The following USP34 variants were observed in gnomAD, a reference collection of about 807,000 sequenced individuals.
USP34 encodes the protein ubiquitin carboxyl-terminal hydrolase 34.
In USP34, 70 loss-of-function variants were observed where a neutral mutation model predicts 460.3. The ratio of observed to expected loss-of-function variants is 0.15; its 90% CI spans 0.13 to 0.19. USP34 has a LOEUF of 0.19. USP34 is among the 10% of genes least tolerant of loss of function. The pLI is 1.00. For missense variants in USP34, 3,985 were observed against 4,236.2 expected, an observed-to-expected ratio of 0.94 and a Z score of 1.65; for synonymous variants, 1,647 against 1,405.3, an observed-to-expected ratio of 1.17 and a Z score of -3.85.
intron 1 of USP34, among the ~76,000 whole-genome samples, chr2:61,430,995 C>T (rs1694660664): frequency 6.6e-6 from 1 of 151,168 alleles, no homozygotes; most frequent in Admixed American, 6.6e-5. Flanking sequence ...CAACAAGACC[C>T]CTATTCTTTA....
chr2:61,418,966 A>C (rs1694278925), intron 2 of USP34, among the ~76,000 whole-genome samples: 5 of 152,186 alleles, frequency 3.3e-5, no homozygotes, highest in Admixed American at 2.6e-4. Flanking sequence ...ACAAATTTTA[A>C]CAATTTTAAT....
At chr2:61,354,996 C>T (rs975722996) in intron 10 of USP34, among the ~76,000 whole-genome samples, 3 of 152,244 alleles carry the variant, frequency 2.0e-5, no homozygotes, top group South Asian at 4.1e-4. Context: ...TGCTGTATCC[C>T]CCATGAGGCA....
chr2:61,446,726 G>GC (rs1355622618), intron 1 of USP34, among the ~76,000 whole-genome samples: 1 of 151,020 alleles, frequency 6.6e-6, no homozygotes, highest in African/African-American at 2.4e-5. Flanking sequence ...AACCTGAGAG[G>GC]CAGAGGTTGC....
chr2:61,278,162 T>C lies in USP34; in HGVS notation c.5433+3A>G, dbSNP rs1689429726. The C allele has an allele frequency of 6.2e-7, 1 of 1,612,166 alleles. No individual in the cohort carries two copies. Among genetic ancestry groups the C allele is most frequent in the South Asian group, 1.1e-5 (1 of 90,736 alleles). Reference sequence around the variant, plus strand: ...AGAAACATTTGATTATCTTAACACTTACCTGTCCTTCCCTTGAAAATTTAA... The same window carrying C: ...AGAAACATTTGATTATCTTAACACTCACCTGTCCTTCCCTTGAAAATTTAA... On this transcript the variant is annotated splice_donor_region_variant and intron_variant, in intron 41 of 79. Coordinates refer to ENST00000398571, the MANE Select transcript of USP34 (RefSeq NM_014709.4).
In USP34 at chr2:61,192,959, C is replaced by A. The variant is rs1449884395; in HGVS notation, c.9530G>T (p.Gly3177Val). The A allele has an allele frequency of 6.2e-7, 1 of 1,613,688 alleles. No homozygotes were observed. Among genetic ancestry groups the A allele is most frequent in the Admixed American group, 1.7e-5 (1 of 59,984 alleles). The change falls in exon 76 of 80, where the codon GGT becomes GTT. Residue 3177 changes from glycine to valine, a missense_variant. Transcript: ENST00000398571. ...VKLSVLVAYE[G>V]LPLHLALFPK... ...GAACAGTGCAAGATGAAGTGGCAAA[C>A]CTTCATAGGCAACTAGGACACCTAA...
chr2:61,401,194 A>G (rs1048668245), intron 3 of USP34, among the ~76,000 whole-genome samples: 4 of 151,442 alleles, frequency 2.6e-5, no homozygotes, highest in South Asian at 2.1e-4. Flanking sequence ...CTTCATGTAT[A>G]TATTTCATCT....
Position 61,283,174 on chromosome 2 carries a change from G to A in USP34, c.4969C>T (p.Leu1657=). 3 of 1,613,232 alleles carry A rather than the reference G, an allele frequency of 1.9e-6. No homozygotes were observed. Among genetic ancestry groups the A allele is most frequent in the Non-Finnish European group, 2.5e-6 (3 of 1,179,586 alleles). ...LADSDHLQDW[L]KKLTLLIPET... is the part of the protein sequence containing the mutation. ...GGAATAAGGAGAGTCAATTTCTTTA[G>A]CCAATCTTGTAAATGATCGCTATCA... The change falls in exon 37 of 80, where the codon CTA becomes TTA. Residue 1657 remains leucine (L), a synonymous_variant. Transcript: ENST00000398571.
At chr2:61,275,427 G>T (rs1572892833) in intron 41 of USP34, among the ~76,000 whole-genome samples, 1 of 152,040 alleles carries the variant, frequency 6.6e-6, no homozygotes, top group African/African-American at 2.4e-5. Context: ...GAACAGCCTG[G>T]GCAACACAGC....
In USP34 at chr2:61,301,081, G is replaced by T. The variant is rs1690203666; in HGVS notation, c.3998C>A (p.Pro1333His). The T allele has an allele frequency of 1.2e-6, 2 of 1,613,938 alleles. No homozygotes were observed. The highest frequency in any genetic ancestry group is 8.5e-7 in the Non-Finnish European group (1 of 1,180,026). ...CATTGGAATGTTGTCCTTCTGAGGG[G>T]GTGGGAGGCAAGATGCTGGCAGCTG... ...GVQLPASCLPPPQKDNIPMLL... is the reference protein window; with the variant it reads ...GVQLPASCLPHPQKDNIPMLL... The change falls in exon 29 of 80, where the codon CCC becomes CAC. Residue 1333 changes from proline to histidine, a missense_variant. Pro to His is a moderately conservative substitution (Grantham distance 77). Around this residue, in one of 14 missense-constraint regions of USP34, gnomAD observed 1,114 missense variants for 1,122.5 expected, o/e 0.99. Coordinates refer to ENST00000398571, the MANE Select transcript of USP34 (RefSeq NM_014709.4).
chr2:61,257,123 A>C lies in USP34; in HGVS notation c.5992-15T>G, dbSNP rs149614448. On this transcript the variant is annotated splice_polypyrimidine_tract_variant and intron_variant, in intron 45 of 79. Transcript: ENST00000398571. ...ACGGTATTTTTCTTTAATATAAAAC[A>C]AACAAAAAATAAGAAACTAGTTAAA... The C allele has an allele frequency of 0.011, 17,263 of 1,572,386 alleles. 135 individuals carry two copies. Among genetic ancestry groups the C allele is most frequent in the Non-Finnish European group, 0.013 (15,413 of 1,165,266 alleles).
In USP34 at chr2:61,380,326, T is replaced by C. The variant is rs1485025301; in HGVS notation, c.857A>G (p.Gln286Arg). The C allele has an allele frequency of 6.8e-6, 11 of 1,613,730 alleles. No homozygotes were observed. Among genetic ancestry groups the C allele is most frequent in the Non-Finnish European group, 9.3e-6 (11 of 1,179,794 alleles). Reference protein sequence around the residue: ...LCKLSDQELRQSAARNMADLM... With the variant: ...LCKLSDQELRRSAARNMADLM... ...GTCAGCCATGTTACGAGCTGCACTC[T>C]GTCGTAACTCCTGATCCGAGAGCTT... The change falls in exon 7 of 80, where the codon CAG becomes CGG. Residue 286 changes from glutamine (Q) to arginine (R), a missense_variant. Around this residue, in one of 14 missense-constraint regions of USP34, gnomAD observed 70 missense variants for 109.5 expected, o/e 0.64. Coordinates refer to ENST00000398571, the MANE Select transcript of USP34 (RefSeq NM_014709.4).
intron 3 of USP34, among the ~76,000 whole-genome samples, chr2:61,402,983 G>C (rs1419016695): frequency 6.6e-6 from 1 of 152,034 alleles, no homozygotes; most frequent in Non-Finnish European, 1.5e-5. Flanking sequence ...AGAAATTTTA[G>C]AGCACTTGTA....
In USP34 at chr2:61,248,752, A is replaced by G. The variant is rs1688490328; in HGVS notation, c.6222-69T>C. The G allele has an allele frequency of 3.6e-6, 5 of 1,397,306 alleles. No homozygotes were observed. The African/African-American group carries it at 5.8e-5, about 16-fold the overall frequency. The allele number at this position is 1,397,306 out of a possible 1,614,324, so 86.6% of individuals were successfully genotyped here. A position where few individuals can be genotyped will look rare whatever the true frequency, so the allele number is the denominator to read the frequency against. On this transcript the variant is annotated intron_variant, in intron 48 of 79. Coordinates refer to ENST00000398571, the MANE Select transcript of USP34 (RefSeq NM_014709.4). ...TACTTCAGTTGGTTTGATTTCTGTT[A>G]TGCTATATCCATTTCAATTTTCAAC...
At chr2:61,190,787 A>C (rs1686617222) in intron 76 of USP34, 129 bp from the exon 77 acceptor site, 1 of 1,165,908 alleles carries the variant, frequency 8.6e-7, no homozygotes, top group East Asian at 2.5e-5. Context: ...ATCCTACTTG[A>C]AAAGCCATGT....
At chr2:61,337,973 T>C (rs1367223564) in intron 18 of USP34, among the ~76,000 whole-genome samples, 1 of 152,234 alleles carries the variant, frequency 6.6e-6, no homozygotes, top group Non-Finnish European at 1.5e-5. Context: ...TTAACTGTTA[T>C]AAAACCTATG....
Position 61,257,356 on chromosome 2 carries a change from A to T in USP34, c.5845-6T>A, listed in dbSNP as rs1248175339. 6.4e-7 allele frequency: 1 copy of T among 1,563,568 alleles called. No homozygotes were observed. The highest frequency in any genetic ancestry group is 1.3e-5 in the South Asian group (1 of 79,876). Reference sequence around the variant, plus strand: ...TATGCTTTGCATTCACTCTCCTGCAAATAAAAAGGGGAACATTCTAAGTGT... The same window carrying T: ...TATGCTTTGCATTCACTCTCCTGCATATAAAAAGGGGAACATTCTAAGTGT... On this transcript the variant is annotated splice_region_variant and splice_polypyrimidine_tract_variant and intron_variant, in intron 44 of 79. Transcript: ENST00000398571.
chr2:61,299,801 C>T (rs1690164035), intron 29 of USP34, among the ~76,000 whole-genome samples: 1 of 151,966 alleles, frequency 6.6e-6, no homozygotes, highest in Non-Finnish European at 1.5e-5. Flanking sequence ...TAGTGATAAC[C>T]CACAAACCAT....
chr2:61,199,009 T>C (rs927164146), intron 75 of USP34, among the ~76,000 whole-genome samples: 7 of 152,234 alleles, frequency 4.6e-5, no homozygotes, highest in South Asian at 2.1e-4. Context: ...AAAAATTTGG[T>C]ATATATTGGC....
chr2:61,354,648 A>T lies in USP34; in HGVS notation c.1252-3955T>A, dbSNP rs1692051543. Among the ~76,000 whole-genome samples, 5 of 152,290 alleles carry T rather than the reference A, an allele frequency of 3.3e-5. No individual in the cohort carries two copies. The South Asian group carries it at 1.0e-3, about 32-fold the overall frequency. On this transcript the variant is annotated intron_variant, in intron 10 of 79. Transcript: ENST00000398571. ...AAATGACCTGGCCTCAGCTAGCCTG[A>T]GCCGAAAAGAGTAGCTTTTTTTCAC...
Sources: allele counts gnomAD v4.1 joint callset (sites outside exome capture counted in the v4.1 genomes callset), GRCh38; gene constraint gnomAD v4.1.1; regional missense constraint gnomAD v4.1.1; transcripts MANE v1.5; gene names NCBI Gene and HGNC (gene_info 2026-07-23, HGNC 2026-07-21).